Variants in CHRNB3 observed in about 807,000 individuals in gnomAD.
The protein encoded by CHRNB3 is neuronal acetylcholine receptor subunit beta-3.
Under a neutral mutation model 40.6 loss-of-function variants are expected in CHRNB3, and 37 were observed. The ratio of observed to expected loss-of-function variants is 0.91; its 90% CI spans 0.70 to 1.20. The LOEUF (loss-of-function observed/expected upper bound fraction) is 1.20. Ranked by LOEUF, CHRNB3 falls within the 50% of genes most tolerant of loss-of-function variation. CHRNB3 has a pLI of 0.00. For missense variants in CHRNB3, 505 were observed against 551.2 expected, an observed-to-expected ratio of 0.92 and a Z score of 0.84; for synonymous variants, 207 against 207.1, an observed-to-expected ratio of 1.00 and a Z score of 0.00.
chr8:42,700,744 G>T (rs1815777407), intron 1 of CHRNB3, among the ~76,000 whole-genome samples: 1 of 151,962 alleles, frequency 6.6e-6, no homozygotes, highest in African/African-American at 2.4e-5. Flanking sequence ...GATGGATCTA[G>T]AAATACAGAT....
intron 3 of CHRNB3, among the ~76,000 whole-genome samples, chr8:42,728,536 A>C (rs1356819627): frequency 6.6e-6 from 1 of 152,138 alleles, no homozygotes; most frequent in Non-Finnish European, 1.5e-5. Flanking sequence ...CTCAAATTAA[A>C]AAAACAAAAC....
chr8:42,720,221 T>G (rs563504861), intron 3 of CHRNB3, among the ~76,000 whole-genome samples: 1 of 141,012 alleles, frequency 7.1e-6, no homozygotes, highest in Non-Finnish European at 1.5e-5. Context: ...GTTCAAGAGA[T>G]TCTCCTGCCT....
At position 42,730,597 on chromosome 8, in the gene CHRNB3, T is replaced by G; in HGVS notation, c.253T>G (p.Trp85Gly). Residue 85 changes from tryptophan to glycine, a missense_variant, in exon 4 of 6, where the codon TGG becomes GGG. Transcript: ENST00000289957. ...MTTNVWLKQEWTDHKLRWNPD... is the reference protein window; with the variant it reads ...MTTNVWLKQEGTDHKLRWNPD... ...ACAGTGTACTAATTTCATGCAGGAA[T>G]GGACAGACCACAAGTTACGCTGGAA... The G allele has an allele frequency of 6.3e-7, 1 of 1,590,362 alleles. No individual in the cohort carries two copies. The highest frequency in any genetic ancestry group is 8.6e-7 in the Non-Finnish European group (1 of 1,165,104).
intron 3 of CHRNB3, among the ~76,000 whole-genome samples, chr8:42,711,776 T>C (rs1816020572): frequency 6.6e-6 from 1 of 152,138 alleles, no homozygotes; most frequent in Admixed American, 6.5e-5. Context: ...GGGCTTCTAG[T>C]GAACCCATCA....
chr8:42,703,827 C>CCT (rs1235017094), intron 1 of CHRNB3, among the ~76,000 whole-genome samples: 9 of 152,144 alleles, frequency 5.9e-5, no homozygotes, highest in Non-Finnish European at 1.3e-4. Context: ...GTGAGAAGCA[C>CCT]TTGGCCTTTC....
intron 3 of CHRNB3, among the ~76,000 whole-genome samples, chr8:42,713,336 C>A (rs1028022414): frequency 2.4e-4 from 37 of 151,958 alleles, no homozygotes; most frequent in Non-Finnish European, 1.8e-4. Flanking sequence ...GAAAGGACTT[C>A]CCACAAAGTG....
chr8:42,729,349 G>A (rs1345890229), intron 3 of CHRNB3, among the ~76,000 whole-genome samples: 1 of 151,996 alleles, frequency 6.6e-6, no homozygotes, highest in Non-Finnish European at 1.5e-5. Flanking sequence ...GGCAGAGCTT[G>A]CAGTGAGCCG....
chr8:42,710,830 C>T (rs971672707), intron 3 of CHRNB3, among the ~76,000 whole-genome samples: 7 of 152,332 alleles, frequency 4.6e-5, no homozygotes, highest in African/African-American at 1.4e-4. Flanking sequence ...TTCTCTGGTC[C>T]TCTGTGGGTA....
rs1160865385 is a variant in CHRNB3 at position 42,708,769 on chromosome 8, T to C, written c.105T>C (p.His35=). The C allele has an allele frequency of 6.2e-7, 1 of 1,614,000 alleles. No homozygotes were observed. The highest frequency in any genetic ancestry group is 1.3e-5 in the African/African-American group (1 of 74,928). ...AAAATGAAGATGCCCTCCTCAGACA[T>C]TTGTTCCAAGGTTATCAGAAATGGG... is the stretch of plus-strand genomic sequence containing the variant. ...IAENEDALLR[H]LFQGYQKWVR... Residue 35 remains histidine (H), a synonymous_variant, in exon 2 of 6, where the codon CAT becomes CAC. Coordinates refer to ENST00000289957, the MANE Select transcript of CHRNB3 (RefSeq NM_000749.5).
At chr8:42,729,899 T>TA (rs1816374512) in intron 3 of CHRNB3, among the ~76,000 whole-genome samples, 1 of 152,064 alleles carries the variant, frequency 6.6e-6, no homozygotes, top group South Asian at 2.1e-4. Flanking sequence ...CAGGTTTATT[T>TA]ATCTGGATTC....
intron 5 of CHRNB3, 67 bp from the exon 6 acceptor site, chr8:42,736,417 C>T (rs1173032969): frequency 5.2e-6 from 8 of 1,549,788 alleles, no homozygotes; most frequent in Non-Finnish European, 7.0e-6. Flanking sequence ...CTTTTTTAAT[C>T]CCTTGAGATG....
intron 3 of CHRNB3, among the ~76,000 whole-genome samples, chr8:42,711,592 A>T (rs748365018): frequency 1.3e-5 from 2 of 152,052 alleles, no homozygotes; most frequent in African/African-American, 2.4e-5. Context: ...ACAGGGTTTC[A>T]CCATGTTGGC....
chr8:42,731,541 T>A, intron 4 of CHRNB3, 126 bp from the exon 5 acceptor site: 1 of 1,075,888 alleles, frequency 9.3e-7, no homozygotes, highest in Non-Finnish European at 1.3e-6. Context: ...GGCGATAGAG[T>A]GAGACTCCAT....
chr8:42,730,472 C>T, intron 3 of CHRNB3, 122 bp from the exon 4 acceptor site: 1 of 617,898 alleles, frequency 1.6e-6, no homozygotes, highest in Non-Finnish European at 2.7e-6. Context: ...CGCAGTCCAA[C>T]CGGGACAATT....
At chr8:42,700,007 A>G (rs1039568461) in intron 1 of CHRNB3, among the ~76,000 whole-genome samples, 1 of 151,184 alleles carries the variant, frequency 6.6e-6, no homozygotes, top group Non-Finnish European at 1.5e-5. Flanking sequence ...GAATTCTTCA[A>G]TAATTTCTTT....
intron 1 of CHRNB3, among the ~76,000 whole-genome samples, chr8:42,707,509 G>A (rs1286402567): frequency 6.6e-6 from 1 of 152,150 alleles, no homozygotes; most frequent in African/African-American, 2.4e-5. Flanking sequence ...ACCTGTGAAT[G>A]GCCACTGCAC....
At chr8:42,724,597 T>G (rs1316349456) in intron 3 of CHRNB3, among the ~76,000 whole-genome samples, 2 of 152,080 alleles carry the variant, frequency 1.3e-5, no homozygotes, top group Non-Finnish European at 2.9e-5. Flanking sequence ...TTACCACCAT[T>G]AAACTCTAGG....
chr8:42,705,600 C>G (rs1563607216), intron 1 of CHRNB3: 1 of 152,288 alleles, frequency 6.6e-6, no homozygotes, highest in South Asian at 2.1e-4. Context: ...TTGGACTTCC[C>G]AGTCTCTAGA....
intron 3 of CHRNB3, among the ~76,000 whole-genome samples, chr8:42,713,307 G>A (rs1451080184): frequency 6.6e-6 from 1 of 151,944 alleles, no homozygotes; most frequent in Non-Finnish European, 1.5e-5. Context: ...GGACCCTGAG[G>A]GCCTCAGCTA....
Sources: allele counts gnomAD v4.1 joint callset (sites outside exome capture counted in the v4.1 genomes callset), GRCh38; gene constraint gnomAD v4.1.1; transcripts MANE v1.5; gene names NCBI Gene and HGNC (gene_info 2026-07-23, HGNC 2026-07-21).